The following CFAP54 variants were observed in gnomAD, a reference collection of about 807,000 sequenced individuals.
CFAP54 encodes the protein cilia- and flagella-associated protein 54.
In CFAP54, 290 loss-of-function variants were observed where a neutral mutation model predicts 370.4. The observed-to-expected ratio is 0.78, with a 90% confidence interval of 0.71 to 0.86. The LOEUF (loss-of-function observed/expected upper bound fraction) is 0.86, where lower values mean the gene tolerates loss of function less well. Among genes scored for constraint, CFAP54 ranks in the 40% least tolerant of loss-of-function variants. The pLI, the probability that CFAP54 is intolerant of heterozygous loss-of-function variation, is 0.00. For synonymous variants in CFAP54, 1,206 were observed against 1,236.5 expected, an observed-to-expected ratio of 0.98 and a Z score of 0.52; for missense variants, 3,399 against 3,528.7, an observed-to-expected ratio of 0.96 and a Z score of 0.93.
chr12:96,689,451 A>G (rs1486856600), intron 43 of CFAP54, among the ~76,000 whole-genome samples: 2 of 152,112 alleles, frequency 1.3e-5, no homozygotes, highest in Non-Finnish European at 2.9e-5. Flanking sequence ...GTGAGCTACC[A>G]TGCCTGGCCC....
intron 50 of CFAP54, among the ~76,000 whole-genome samples, chr12:96,731,896 G>A (rs1239262402): frequency 2.6e-5 from 4 of 152,016 alleles, no homozygotes; most frequent in African/African-American, 9.7e-5. Flanking sequence ...AAGATCACTT[G>A]TCACATGATA....
At chr12:96,622,106 C>T (rs1014469229) in intron 27 of CFAP54, among the ~76,000 whole-genome samples, 1 of 151,694 alleles carries the variant, frequency 6.6e-6, no homozygotes, top group African/African-American at 2.4e-5. Context: ...AAATACATGT[C>T]AGAGTTTTTT....
chr12:96,677,624 A>C (rs1957226288), intron 39 of CFAP54, among the ~76,000 whole-genome samples: 1 of 152,204 alleles, frequency 6.6e-6, no homozygotes, highest in African/African-American at 2.4e-5. Context: ...AGGGCAGAGC[A>C]GACAGGAGAC....
intron 62 of CFAP54, among the ~76,000 whole-genome samples, chr12:96,789,821 C>T (rs1387855349): frequency 6.6e-6 from 1 of 152,174 alleles, no homozygotes; most frequent in Non-Finnish European, 1.5e-5. Context: ...TCTTGCCTGA[C>T]AGGTGAAGCC....
intron 66 of CFAP54, among the ~76,000 whole-genome samples, chr12:96,848,711 A>G (rs1469515068): frequency 6.6e-6 from 1 of 152,232 alleles, no homozygotes; most frequent in Admixed American, 6.5e-5. Context: ...AAGAAAAAAA[A>G]AGATTTCTAC....
In CFAP54 at chr12:96,523,952, T is replaced by C. The variant is rs150429923; in HGVS notation, c.1158+1763T>C. Among the ~76,000 whole-genome samples the C allele has an allele frequency of 1.0e-3, 157 of 152,226 alleles. 2 individuals are homozygous for C. Among genetic ancestry groups the C allele is most frequent in the African/African-American group, 3.5e-3 (147 of 41,556 alleles). ...TTTTTAAGAAAAAATTGTAATTGTT[T>C]AGTGAGTAGTTGTTTCAGAGGCTAG... is the stretch of plus-strand genomic sequence containing the variant. On this transcript the variant is annotated intron_variant, in intron 8 of 67. Coordinates refer to ENST00000524981, the MANE Select transcript of CFAP54 (RefSeq NM_001306084.2).
chr12:96,694,518 C>T (rs528242224), intron 45 of CFAP54, among the ~76,000 whole-genome samples: 80 of 152,228 alleles, frequency 5.3e-4, no homozygotes, highest in African/African-American at 1.8e-3. Flanking sequence ...CACACACACA[C>T]ACAACATATA....
At chr12:96,594,864 A>C (rs895130889) in intron 25 of CFAP54, among the ~76,000 whole-genome samples, 1 of 152,162 alleles carries the variant, frequency 6.6e-6, no homozygotes, top group African/African-American at 2.4e-5. Flanking sequence ...GGATTTACAG[A>C]AAAAGGGTAG....
Position 96,608,140 on chromosome 12 carries a change from G to A in CFAP54, c.3639+9373G>A, listed in dbSNP as rs1045280713. Among the ~76,000 whole-genome samples the A allele has an allele frequency of 4.6e-5, 7 of 152,076 alleles. No homozygotes were observed. In the East Asian group the frequency reaches 1.3e-3, roughly 29 times the overall value. On this transcript the variant is annotated intron_variant, in intron 26 of 67. Coordinates refer to ENST00000524981, the MANE Select transcript of CFAP54 (RefSeq NM_001306084.2). ...ATAATAATGATGTGACTAGGACTTT[G>A]TAATATAAATGCTAAGTAGGGATTC...
chr12:96,730,712 A>G (rs1957910884), intron 50 of CFAP54, among the ~76,000 whole-genome samples: 1 of 152,208 alleles, frequency 6.6e-6, no homozygotes, highest in Non-Finnish European at 1.5e-5. Flanking sequence ...TTAGACTGTC[A>G]TTCTCTTTAA....
intron 60 of CFAP54, among the ~76,000 whole-genome samples, chr12:96,772,591 ATTT>A (rs35817553): frequency 2.2e-5 from 3 of 137,822 alleles, no homozygotes; most frequent in Admixed American, 1.5e-4. Context: ...TTGGTGGGCA[ATTT>A]TTTTTTTTTT....
At chr12:96,500,790 C>A in intron 1 of CFAP54, 44 bp from the exon 2 acceptor site, 1 of 1,383,704 alleles carries the variant, frequency 7.2e-7, no homozygotes, top group Non-Finnish European at 9.8e-7. Context: ...ATTGGGGTTT[C>A]CTGCAGACTT....
chr12:96,840,616 C>CTCTTTTTTTTTTT (rs754313435), intron 66 of CFAP54, among the ~76,000 whole-genome samples: 1 of 93,372 alleles, frequency 1.1e-5, no homozygotes, highest in African/African-American at 4.4e-5. Context: ...TTTCTTTTCT[C>CTCTTTTTTTTTTT]TGTTTCTTTC....
At chr12:96,566,509 G>A (rs1232826157) in intron 19 of CFAP54, among the ~76,000 whole-genome samples, 1 of 152,058 alleles carries the variant, frequency 6.6e-6, no homozygotes, top group Non-Finnish European at 1.5e-5. Flanking sequence ...AAAAAATGAA[G>A]GTATGAGTTA....
At chr12:96,618,627 C>G (rs1246203018) in intron 26 of CFAP54, among the ~76,000 whole-genome samples, 3 of 149,476 alleles carry the variant, frequency 2.0e-5, no homozygotes, top group African/African-American at 7.4e-5. Context: ...GTTTGGGCCG[C>G]CACTGAAGAA....
At chr12:96,689,378 C>A (rs564228456) in intron 43 of CFAP54, among the ~76,000 whole-genome samples, 91 of 152,284 alleles carry the variant, frequency 6.0e-4, no homozygotes, top group Non-Finnish European at 1.1e-3. Flanking sequence ...CCAGGCTGGT[C>A]TCAAACTCCT....
intron 26 of CFAP54, among the ~76,000 whole-genome samples, chr12:96,617,538 TGTTA>T (rs1337929190): frequency 6.6e-6 from 1 of 152,240 alleles, no homozygotes; most frequent in Admixed American, 6.5e-5. Context: ...TTCCTGCTGC[TGTTA>T]GTTCTGTCAT....
chr12:96,529,246 G>A (rs1184964102), intron 9 of CFAP54, among the ~76,000 whole-genome samples: 2 of 152,128 alleles, frequency 1.3e-5, no homozygotes, highest in East Asian at 3.8e-4. Context: ...TGGATGCATT[G>A]CTTTATATAT....
intron 34 of CFAP54, among the ~76,000 whole-genome samples, chr12:96,649,538 T>C (rs2136500842): frequency 6.6e-6 from 1 of 152,324 alleles, no homozygotes; most frequent in East Asian, 1.9e-4. Flanking sequence ...ATATATTGTC[T>C]TAGGAATGGC....
Sources: gnomAD v4.1 joint callset for allele counts (sites outside exome capture counted in the v4.1 genomes callset) on GRCh38, gnomAD v4.1.1 for gene constraint, MANE v1.5 for transcripts, NCBI Gene and HGNC (gene_info 2026-07-23, HGNC 2026-07-21) for gene names.